Variants in CSMD1 observed in about 807,000 individuals in gnomAD.
CSMD1 encodes CUB and sushi domain-containing protein 1.
Under a neutral mutation model 417.5 loss-of-function variants are expected in CSMD1, and 213 were observed. That is an observed-to-expected ratio of 0.51 (90% confidence interval 0.46 to 0.57). The LOEUF (loss-of-function observed/expected upper bound fraction) is 0.57, where lower values mean the gene tolerates loss of function less well. Among genes scored for constraint, CSMD1 ranks in the 20% least tolerant of loss-of-function variants. CSMD1 has a pLI of 0.00. For synonymous variants in CSMD1, 2,862 were observed against 1,736.8 expected, an observed-to-expected ratio of 1.65 and a Z score of -16.11; for missense variants, 6,923 against 4,529.7, an observed-to-expected ratio of 1.53 and a Z score of -15.17.
At chr8:4,780,441 C>G (rs1021905872) in intron 1 of CSMD1, among the ~76,000 whole-genome samples, 1 of 151,722 alleles carries the variant, frequency 6.6e-6, no homozygotes, top group African/African-American at 2.4e-5. Context: ...GTCTGTCTAC[C>G]TACCTACCTA....
chr8:3,366,896 T>C (rs1809608828), intron 20 of CSMD1, 136 bp downstream of exon 20: 1 of 730,714 alleles, frequency 1.4e-6, no homozygotes, highest in Non-Finnish European at 2.3e-6. Flanking sequence ...ACCCCATTAG[T>C]TGGAATCAAG....
At chr8:4,854,797 A>C (rs1053364905) in intron 1 of CSMD1, among the ~76,000 whole-genome samples, 4 of 152,174 alleles carry the variant, frequency 2.6e-5, no homozygotes, top group African/African-American at 9.6e-5. Flanking sequence ...CTAGCACAGC[A>C]GTCTGAGATC....
intron 26 of CSMD1, among the ~76,000 whole-genome samples, chr8:3,241,097 G>A (rs1433457054): frequency 4.6e-5 from 7 of 151,098 alleles, no homozygotes; most frequent in African/African-American, 1.2e-4. Flanking sequence ...CGCAACGGAG[G>A]CTTTGGATTG....
chr8:4,969,118 G>C (rs1269033540), intron 1 of CSMD1, among the ~76,000 whole-genome samples: 1 of 152,072 alleles, frequency 6.6e-6, no homozygotes, highest in Non-Finnish European at 1.5e-5. Context: ...TAATTTGCAG[G>C]ACGAATGGAT....
chr8:4,720,345 C>T lies in CSMD1; in HGVS notation c.86-82787G>A, dbSNP rs373883594. ...CTATTGCACCAGAATAACATGGTAC[C>T]ATGTATTATCTCAAGGAAAATATGA... On this transcript the variant is annotated intron_variant, in intron 1 of 69. Transcript: ENST00000635120. 1.1e-4 allele frequency among the ~76,000 whole-genome samples: 16 copies of T among 152,116 alleles called. No homozygotes were observed. In the Middle Eastern group the frequency reaches 0.021, roughly 195 times the overall value.
At chr8:4,717,079 C>T (rs905310531) in intron 1 of CSMD1, among the ~76,000 whole-genome samples, 2 of 151,918 alleles carry the variant, frequency 1.3e-5, no homozygotes, top group Non-Finnish European at 2.9e-5. Flanking sequence ...GTCCTACCTT[C>T]TTCCCTCTCT....
At chr8:4,134,758 A>AC (rs1410497680) in intron 3 of CSMD1, among the ~76,000 whole-genome samples, 2 of 151,868 alleles carry the variant, frequency 1.3e-5, no homozygotes, top group African/African-American at 2.4e-5. Context: ...TCTCCAATAT[A>AC]CCCCTTCTGA....
At chr8:4,767,363 C>A (rs1314468602) in intron 1 of CSMD1, among the ~76,000 whole-genome samples, 2 of 152,132 alleles carry the variant, frequency 1.3e-5, no homozygotes, top group African/African-American at 2.4e-5. Flanking sequence ...ATCACATTTG[C>A]CTTTACGAAA....
rs533583314 is a variant in CSMD1, at chr8:3,904,819, T to A, written c.818+93084A>T. 3.3e-5 allele frequency among the ~76,000 whole-genome samples: 5 copies of A among 152,132 alleles called. No homozygotes were observed. The South Asian group carries it at 8.3e-4, about 25-fold the overall frequency. ...GCCCAGGTAATTTTTGTATTTTTAG[T>A]AAAGATGGGGTTTTACCATGTTGAC... On this transcript the variant is annotated intron_variant, in intron 5 of 69. Coordinates refer to ENST00000635120, the MANE Select transcript of CSMD1 (RefSeq NM_033225.6).
chr8:3,729,948 A>C lies in CSMD1; in HGVS notation c.932-21457T>G, dbSNP rs1563318541. On this transcript the variant is annotated intron_variant, in intron 6 of 69. Transcript: ENST00000635120. Reference sequence around the variant, plus strand: ...AAAAAAAAAAAAAAAAAAAAAAAAAAAAAAAAAAAAAAACAAAAACAGAAG... The same window carrying C: ...AAAAAAAAAAAAAAAAAAAAAAAAACAAAAAAAAAAAAACAAAAACAGAAG... Among the ~76,000 whole-genome samples, 22 of 15,498 alleles carry C rather than the reference A, an allele frequency of 1.4e-3. 4 individuals are homozygous for C. The highest frequency in any genetic ancestry group is 5.7e-3 in the Non-Finnish European group (18 of 3,184). 10.2% of individuals were successfully genotyped at this position (15,498 alleles called of 152,430 possible).
intron 37 of CSMD1, among the ~76,000 whole-genome samples, chr8:3,175,185 G>C (rs1820829708): frequency 6.6e-6 from 1 of 152,082 alleles, no homozygotes. Context: ...GTAATACTTT[G>C]AACATTCAAC....
chr8:3,304,183 A>C lies in CSMD1; in HGVS notation c.3950+3512T>G, dbSNP rs1382258662. ...ATAGTATAAATGCATAGTAATGATT[A>C]CATTTATATTAAGATATTTTAAAGA... On this transcript the variant is annotated intron_variant, in intron 25 of 69. Transcript: ENST00000635120. Among the ~76,000 whole-genome samples the C allele has an allele frequency of 2.0e-5, 3 of 152,302 alleles. No homozygotes were observed. In the East Asian group the frequency reaches 5.8e-4, roughly 29 times the overall value.
chr8:3,292,035 C>G (rs1563233367), intron 25 of CSMD1, among the ~76,000 whole-genome samples: 2 of 151,902 alleles, frequency 1.3e-5, no homozygotes, highest in Non-Finnish European at 2.9e-5. Context: ...TGTCTTTGTT[C>G]TCGTTGGTTT....
At chr8:3,786,943 G>T (rs1055526301) in intron 5 of CSMD1, among the ~76,000 whole-genome samples, 1 of 152,114 alleles carries the variant, frequency 6.6e-6, no homozygotes, top group Admixed American at 6.6e-5. Context: ...CCAGGAATTT[G>T]GATGGACACC....
At chr8:3,134,553 A>T (rs1393655517) in intron 41 of CSMD1, among the ~76,000 whole-genome samples, 1 of 152,246 alleles carries the variant, frequency 6.6e-6, no homozygotes, top group South Asian at 2.1e-4. Context: ...GCCGTTCTGC[A>T]GCTTAGGGAT....
intron 5 of CSMD1, among the ~76,000 whole-genome samples, chr8:3,874,329 T>A (rs367686757): frequency 6.6e-6 from 1 of 152,188 alleles, no homozygotes; most frequent in East Asian, 1.9e-4. Context: ...GTAACTCTTA[T>A]CTAAAGTGAG....
At chr8:3,280,819 T>C (rs1292145084) in intron 26 of CSMD1, among the ~76,000 whole-genome samples, 2 of 152,160 alleles carry the variant, frequency 1.3e-5, no homozygotes, top group Non-Finnish European at 2.9e-5. Flanking sequence ...AACATTTCCA[T>C]GATCCTCAAA....
Position 4,312,808 on chromosome 8 carries a change from A to T in CSMD1, c.415+107145T>A, listed in dbSNP as rs1226998352. 3.3e-5 allele frequency among the ~76,000 whole-genome samples: 5 copies of T among 152,254 alleles called. No homozygotes were observed. The East Asian group carries it at 9.7e-4, about 29-fold the overall frequency. On this transcript the variant is annotated intron_variant, in intron 3 of 69. Transcript: ENST00000635120. ...ATAATTGCTTGAACCAGGGTGGTGG[A>T]GGTTGCAGTTAGCTGAGATCGCGCC...
intron 3 of CSMD1, among the ~76,000 whole-genome samples, chr8:4,074,932 A>C (rs983623277): frequency 1.3e-5 from 2 of 152,062 alleles, no homozygotes; most frequent in African/African-American, 4.8e-5. Flanking sequence ...CCACACTTTG[A>C]ATTTATTTAT....
Sources: gnomAD v4.1 joint callset for allele counts (sites outside exome capture counted in the v4.1 genomes callset) on GRCh38, gnomAD v4.1.1 for gene constraint, MANE v1.5 for transcripts, NCBI Gene and HGNC (gene_info 2026-07-23, HGNC 2026-07-21) for gene names.